IL1RAP: variants seen among roughly 807,000 people sequenced by gnomAD.
IL1RAP encodes the protein interleukin 1 receptor accessory protein.
In IL1RAP, 35 loss-of-function variants were observed where a neutral mutation model predicts 60.7. The observed-to-expected ratio is 0.58, with a 90% CI of 0.44 to 0.76. The LOEUF (loss-of-function observed/expected upper bound fraction) is 0.76, where lower values mean the gene tolerates loss of function less well. Ranked by LOEUF, IL1RAP falls within the 30% of genes least tolerant of loss-of-function variation. The pLI, the probability that IL1RAP is intolerant of heterozygous loss-of-function variation, is 0.00. For missense variants in IL1RAP, 572 were observed against 693.9 expected (o/e 0.82, Z 1.97); for synonymous variants, 268 against 250.9 (o/e 1.07, Z -0.64).
chr3:190,522,039 T>C (rs1343867262), intron 1 of IL1RAP, among the ~76,000 whole-genome samples: 2 of 152,148 alleles, frequency 1.3e-5, no homozygotes, highest in Non-Finnish European at 2.9e-5. Flanking sequence ...TTTCTGTTTA[T>C]AGAAATGATG....
At chr3:190,605,141 T>C (rs1042124175) in intron 4 of IL1RAP, among the ~76,000 whole-genome samples, 1 of 152,176 alleles carries the variant, frequency 6.6e-6, no homozygotes, top group East Asian at 1.9e-4. Flanking sequence ...CTTTTTAAAC[T>C]TCTACCAACT....
At chr3:190,624,977 C>T in intron 7 of IL1RAP, 1 of 172,420 alleles carries the variant, frequency 5.8e-6, no homozygotes, top group South Asian at 1.5e-4. Context: ...TGCTCCCTAC[C>T]CACACTGCAG....
Position 190,649,070 on chromosome 3 carries a change from TAAG to T in IL1RAP, c.*366_*368del. 1.0e-6 allele frequency: 1 copy of T among 996,486 alleles called. No individual in the cohort carries two copies. The highest frequency in any genetic ancestry group is 1.2e-6 in the Non-Finnish European group (1 of 837,220). 61.7% of individuals were successfully genotyped at this position (996,486 alleles called of 1,614,324 possible). On this transcript the variant is annotated 3_prime_UTR_variant, in exon 12 of 12. Transcript: ENST00000447382. ...TATGAATTTAAATATGCCTTTAAAA[TAAG>T]TCACTGTTGACAGGGTCATGAGTTT...
intron 3 of IL1RAP, among the ~76,000 whole-genome samples, chr3:190,588,354 C>T (rs184140901): frequency 8.5e-5 from 13 of 152,342 alleles, no homozygotes; most frequent in Admixed American, 3.3e-4. Flanking sequence ...CCTCGTGATC[C>T]GCCCGCCTGG....
chr3:190,602,149 C>T (rs908075872), intron 3 of IL1RAP, among the ~76,000 whole-genome samples: 2 of 151,956 alleles, frequency 1.3e-5, no homozygotes, highest in Non-Finnish European at 2.9e-5. Flanking sequence ...TTCAAATGAT[C>T]GTTAAAAATA....
chr3:190,586,574 T>C (rs1276916527), intron 3 of IL1RAP, among the ~76,000 whole-genome samples: 1 of 152,222 alleles, frequency 6.6e-6, no homozygotes, highest in Non-Finnish European at 1.5e-5. Flanking sequence ...GCAACCTGAC[T>C]CTAATTGTCT....
rs9871547 is a variant in IL1RAP at position 190,631,910 on chromosome 3, C to T, written c.1051+2412C>T. Reference sequence around the variant, plus strand: ...CTGCCTCCTGGGTTCAAGTGATTCTCCTGCCTCAGCCTCCCAAGTAGCTGG... The same window carrying T: ...CTGCCTCCTGGGTTCAAGTGATTCTTCTGCCTCAGCCTCCCAAGTAGCTGG... On this transcript the variant is annotated intron_variant, in intron 9 of 11. Transcript: ENST00000447382. 3.3e-3 allele frequency among the ~76,000 whole-genome samples: 504 copies of T among 152,308 alleles called. 4 individuals are homozygous for T. The highest frequency in any genetic ancestry group is 0.011 in the African/African-American group (471 of 41,570).
chr3:190,634,707 G>GTTTTTTTTT lies in IL1RAP; in HGVS notation c.1051+5212_1051+5220dup, dbSNP rs1167445179. ...TCATATAACTATCTGGGCCTGTTGT[G>GTTTTTTTTT]TTTTTTTTTTTGTTGTTGTTTTTTT... On this transcript the variant is annotated intron_variant, in intron 9 of 11. Coordinates refer to ENST00000447382, the MANE Select transcript of IL1RAP (RefSeq NM_002182.4). 1.9e-3 allele frequency among the ~76,000 whole-genome samples: 262 copies of GTTTTTTTTT among 134,646 alleles called. 15 individuals carry two copies. The highest frequency in any genetic ancestry group is 6.8e-3 in the African/African-American group (229 of 33,642). The allele number at this position is 134,646 out of a possible 152,430, so 88.3% of individuals were successfully genotyped here.
At chr3:190,553,519 T>C (rs1193810423) in intron 1 of IL1RAP, among the ~76,000 whole-genome samples, 5 of 152,146 alleles carry the variant, frequency 3.3e-5, no homozygotes, top group Non-Finnish European at 7.3e-5. Flanking sequence ...TTAATTGCTC[T>C]CCAATGGGGT....
At chr3:190,525,077 G>C (rs1484339509) in intron 1 of IL1RAP, among the ~76,000 whole-genome samples, 1 of 152,130 alleles carries the variant, frequency 6.6e-6, no homozygotes. Context: ...AAAGCTACCT[G>C]AGGAAACAGA....
chr3:190,609,322 C>CCAACG, intron 5 of IL1RAP, 141 bp downstream of exon 5: 1 of 559,758 alleles, frequency 1.8e-6, no homozygotes, highest in Non-Finnish European at 3.0e-6. Flanking sequence ...GGAAGTATTT[C>CCAACG]AGCACGTCCT....
chr3:190,655,558 C>CGTGTGTGTGTGTGTGTGT (rs34341875), downstream of IL1RAP, among the ~76,000 whole-genome samples: 7 of 131,078 alleles, frequency 5.3e-5, no homozygotes, highest in African/African-American at 2.0e-4. Context: ...AATTGCCCAC[C>CGTGTGTGTGTGTGTGTGT]GTGTGTGTGT....
At chr3:190,578,937 C>T (rs1204799047) in intron 3 of IL1RAP, among the ~76,000 whole-genome samples, 1 of 152,194 alleles carries the variant, frequency 6.6e-6, no homozygotes, top group Non-Finnish European at 1.5e-5. Flanking sequence ...AGGTCCCTCC[C>T]ATGGTATGTG....
intron 9 of IL1RAP, among the ~76,000 whole-genome samples, chr3:190,643,913 A>T (rs1255945041): frequency 1.3e-5 from 2 of 152,192 alleles, no homozygotes; most frequent in Non-Finnish European, 2.9e-5. Context: ...TAATTTTCAA[A>T]AATATTTGTA....
chr3:190,581,701 G>C (rs758074501), intron 3 of IL1RAP, among the ~76,000 whole-genome samples: 1 of 152,146 alleles, frequency 6.6e-6, no homozygotes, highest in African/African-American at 2.4e-5. Context: ...GTTGAAACTT[G>C]TATTATTTTT....
chr3:190,562,697 C>T (rs200759056), intron 2 of IL1RAP, among the ~76,000 whole-genome samples: 655 of 8,092 alleles, frequency 0.081, 10 homozygotes, highest in Middle Eastern at 0.3. Context: ...ATCTCGTCCA[C>T]ACACACACAC....
rs968153524 is a variant in IL1RAP, at chr3:190,651,060, T to C, written c.*2355T>C. Reference sequence around the variant, plus strand: ...TGTGATACGTATCATTGCAAGAGAATTTGTTTCAAGATTTTTTTTTAATGT... The same window carrying C: ...TGTGATACGTATCATTGCAAGAGAACTTGTTTCAAGATTTTTTTTTAATGT... On this transcript the variant is annotated 3_prime_UTR_variant, in exon 12 of 12. Coordinates refer to ENST00000447382, the MANE Select transcript of IL1RAP (RefSeq NM_002182.4). The C allele has an allele frequency of 2.0e-6, 2 of 985,054 alleles. No homozygotes were observed. The highest frequency in any genetic ancestry group is 2.4e-6 in the Non-Finnish European group (2 of 829,590). 61.0% of individuals were successfully genotyped at this position (985,054 alleles called of 1,614,324 possible).
At chr3:190,630,154 A>G in intron 9 of IL1RAP, 2 of 760,740 alleles carry the variant, frequency 2.6e-6, no homozygotes, top group Non-Finnish European at 3.2e-6. Flanking sequence ...CAGCAGCCAC[A>G]ATTGCTAAAA....
intron 3 of IL1RAP, among the ~76,000 whole-genome samples, chr3:190,569,673 C>T (rs1392633704): frequency 1.3e-5 from 2 of 151,788 alleles, no homozygotes; most frequent in Non-Finnish European, 2.9e-5. Context: ...TTACTGTAGC[C>T]TGATTGAAAA....
Sources: gnomAD v4.1 joint callset for allele counts (sites outside exome capture counted in the v4.1 genomes callset) on GRCh38, gnomAD v4.1.1 for gene constraint, MANE v1.5 for transcripts, NCBI Gene and HGNC (gene_info 2026-07-23, HGNC 2026-07-21) for gene names.